The following NUAK1 variants were observed in gnomAD, a reference collection of about 807,000 sequenced individuals.
NUAK1 encodes the protein NUAK family SNF1-like kinase 1.
Under a neutral mutation model 56.9 loss-of-function variants are expected in NUAK1, and 26 were observed. The ratio of observed to expected loss-of-function variants is 0.46; its 90% CI spans 0.33 to 0.63. NUAK1 has a LOEUF of 0.63. NUAK1 is among the 30% of genes least tolerant of loss of function. The pLI is 0.02. For missense variants in NUAK1, 727 were observed against 876.1 expected (o/e 0.83, Z 2.15); for synonymous variants, 337 against 336.0 (o/e 1.00, Z -0.03).
intron 1 of NUAK1, among the ~76,000 whole-genome samples, chr12:106,122,910 C>T (rs1215602): frequency 0.57 from 87,386 of 152,080 alleles, 25,229 homozygotes; most frequent in African/African-American, 0.62. Flanking sequence ...ATAAGCTCCT[C>T]ACCCAGAGGA....
At chr12:106,122,090 G>C (rs1369469813) in intron 1 of NUAK1, among the ~76,000 whole-genome samples, 1 of 152,164 alleles carries the variant, frequency 6.6e-6, no homozygotes, top group African/African-American at 2.4e-5. Context: ...ACACAGGGCT[G>C]GTGCACAGTA....
rs978631634 is a variant in NUAK1 at position 106,064,260 on chromosome 12, A to G, written c.*2542T>C. 1 of 152,276 alleles carries G rather than the reference A, an allele frequency of 6.6e-6. No homozygotes were observed. Among genetic ancestry groups the G allele is most frequent in the African/African-American group, 2.4e-5 (1 of 41,472 alleles). The allele number at this position is 152,276 out of a possible 1,614,324, so 9.4% of individuals were successfully genotyped here. Reference sequence around the variant, plus strand: ...CCCTCTATTGCAAGTTTTTCCTTGAAAGGACAGTCAACACCACACCTAGAA... The same window carrying G: ...CCCTCTATTGCAAGTTTTTCCTTGAGAGGACAGTCAACACCACACCTAGAA... On this transcript the variant is annotated 3_prime_UTR_variant, in exon 7 of 7. Transcript: ENST00000261402.
At chr12:106,106,795 A>C (rs1187585459) in intron 1 of NUAK1, among the ~76,000 whole-genome samples, 1 of 152,174 alleles carries the variant, frequency 6.6e-6, no homozygotes, top group Non-Finnish European at 1.5e-5. Flanking sequence ...TTTTTTCATA[A>C]AGCAGAGGCT....
chr12:106,138,827 A>G lies in NUAK1; in HGVS notation c.-174T>C. 1 of 848,776 alleles carries G rather than the reference A, an allele frequency of 1.2e-6. No homozygotes were observed. Among genetic ancestry groups the G allele is most frequent in the African/African-American group, 1.8e-5 (1 of 55,592 alleles). 52.6% of individuals were successfully genotyped at this position (848,776 alleles called of 1,614,324 possible). On this transcript the variant is annotated 5_prime_UTR_variant, in exon 1 of 7. Transcript: ENST00000261402. The surrounding 1 kb of genome is among the most constrained non-coding windows in gnomAD (Gnocchi z 5.0). Reference sequence around the variant, plus strand: ...GGTCACTGGCGGCGGCGGGGACTGCACATCTGGCGCCCGCGGCGCGCACGG... The same window carrying G: ...GGTCACTGGCGGCGGCGGGGACTGCGCATCTGGCGCCCGCGGCGCGCACGG...
chr12:106,076,038 TG>T (rs2032461855), intron 4 of NUAK1, among the ~76,000 whole-genome samples: 1 of 152,244 alleles, frequency 6.6e-6, no homozygotes, highest in Non-Finnish European at 1.5e-5. Context: ...AAAAGTGACC[TG>T]AACTCAACAA....
intron 4 of NUAK1, among the ~76,000 whole-genome samples, chr12:106,076,047 C>CA (rs2032462145): frequency 6.6e-6 from 1 of 152,066 alleles, no homozygotes; most frequent in African/African-American, 2.4e-5. Context: ...CTGAACTCAA[C>CA]AAAAATATTA....
chr12:106,128,488 C>T (rs2033046267), intron 1 of NUAK1, among the ~76,000 whole-genome samples: 1 of 152,146 alleles, frequency 6.6e-6, no homozygotes, highest in South Asian at 2.1e-4. Flanking sequence ...CTGTAGAAGA[C>T]TGGGACATGA....
At chr12:106,108,112 G>A (rs149715280) in intron 1 of NUAK1, among the ~76,000 whole-genome samples, 2 of 152,264 alleles carry the variant, frequency 1.3e-5, no homozygotes, top group East Asian at 3.9e-4. Context: ...GCTAGAGGGA[G>A]GGGAGGGTTG....
chr12:106,125,708 T>G (rs1295054581), intron 1 of NUAK1, among the ~76,000 whole-genome samples: 4 of 152,160 alleles, frequency 2.6e-5, no homozygotes, highest in African/African-American at 4.8e-5. Context: ...GGATCTCTAC[T>G]ACCTGCTTCA....
At chr12:106,076,263 A>T (rs2032464085) in intron 4 of NUAK1, among the ~76,000 whole-genome samples, 1 of 152,238 alleles carries the variant, frequency 6.6e-6, no homozygotes, top group Admixed American at 6.5e-5. Flanking sequence ...AGTTTTGCTA[A>T]AGGTTGCAAA....
At chr12:106,130,139 G>A (rs528066481) in intron 1 of NUAK1, among the ~76,000 whole-genome samples, 3 of 152,168 alleles carry the variant, frequency 2.0e-5, no homozygotes, top group African/African-American at 7.2e-5. Context: ...GCGCCACCAC[G>A]CCTGGCTAAT....
intron 1 of NUAK1, among the ~76,000 whole-genome samples, chr12:106,135,562 T>C (rs748476052): frequency 1.3e-5 from 2 of 152,252 alleles, no homozygotes; most frequent in Non-Finnish European, 2.9e-5. Context: ...AACAGGGATG[T>C]TGATTTCACA....
Position 106,107,404 on chromosome 12 carries a change from G to C in NUAK1, c.241-879C>G, listed in dbSNP as rs533863901. On this transcript the variant is annotated intron_variant, in intron 1 of 6. Transcript: ENST00000261402. ...ACTTAATCAGATTGGCTCTAAGGGG[G>C]CCAAAAACTACTTCAGGAAGGGAGT... 3.7e-4 allele frequency among the ~76,000 whole-genome samples: 56 copies of C among 152,214 alleles called. No individual in the cohort carries two copies. The South Asian group carries it at 4.8e-3, about 13-fold the overall frequency.
At chr12:106,104,967 T>C (rs1044762238) in intron 2 of NUAK1, among the ~76,000 whole-genome samples, 6 of 151,956 alleles carry the variant, frequency 3.9e-5, no homozygotes, top group African/African-American at 1.2e-4. Context: ...CTTTTTTTTT[T>C]TTTTTAAACA....
intron 2 of NUAK1, among the ~76,000 whole-genome samples, chr12:106,094,034 C>A (rs1365305505): frequency 6.6e-6 from 1 of 151,996 alleles, no homozygotes; most frequent in East Asian, 1.9e-4. Context: ...GTCTCAAACT[C>A]CTGAACTCAA....
At position 106,065,494 on chromosome 12, in the gene NUAK1, A is replaced by G. The variant is rs1190673493; in HGVS notation, c.*1308T>C. ...ACTTTCTCTTCCCCCAAAGCCCAGG[A>G]GTTCATGGCAAAGTTTAAAACCATG... On this transcript the variant is annotated 3_prime_UTR_variant, in exon 7 of 7. Coordinates refer to ENST00000261402, the MANE Select transcript of NUAK1 (RefSeq NM_014840.3). 1 of 152,090 alleles carries G rather than the reference A, an allele frequency of 6.6e-6. No individual in the cohort carries two copies. The highest frequency in any genetic ancestry group is 1.5e-5 in the Non-Finnish European group (1 of 68,036). The allele number at this position is 152,090 out of a possible 1,614,324, so 9.4% of individuals were successfully genotyped here.
intron 2 of NUAK1, among the ~76,000 whole-genome samples, chr12:106,105,596 C>G (rs1467214975): frequency 1.3e-5 from 2 of 152,090 alleles, no homozygotes; most frequent in Non-Finnish European, 2.9e-5. Flanking sequence ...ATAGCATGAT[C>G]TAACTGGACA....
rs536234363 is a variant in NUAK1 at position 106,064,958 on chromosome 12, A to T, written c.*1844T>A. 2 of 152,334 alleles carry T rather than the reference A, an allele frequency of 1.3e-5. No individual in the cohort carries two copies. The highest frequency in any genetic ancestry group is 4.1e-4 in the South Asian group (2 of 4,822). The allele number at this position is 152,334 out of a possible 1,614,324, so 9.4% of individuals were successfully genotyped here. On this transcript the variant is annotated 3_prime_UTR_variant, in exon 7 of 7. Coordinates refer to ENST00000261402, the MANE Select transcript of NUAK1 (RefSeq NM_014840.3). Reference sequence around the variant, plus strand: ...AGGAACGCATAAGCCAAAACACCAGAGCCGGTGGCAAGGGGAGAGCCCAAA... The same window carrying T: ...AGGAACGCATAAGCCAAAACACCAGTGCCGGTGGCAAGGGGAGAGCCCAAA...
chr12:106,125,981 A>G (rs1263891183), intron 1 of NUAK1, among the ~76,000 whole-genome samples: 1 of 152,220 alleles, frequency 6.6e-6, no homozygotes, highest in Non-Finnish European at 1.5e-5. Context: ...CACACAAGGT[A>G]ATTATCTTGC....
Sources: gnomAD v4.1 joint callset for allele counts (sites outside exome capture counted in the v4.1 genomes callset) on GRCh38, gnomAD v4.1.1 for gene constraint, Gnocchi (gnomAD v3.1) non-coding constraint, MANE v1.5 for transcripts, NCBI Gene and HGNC (gene_info 2026-07-23, HGNC 2026-07-21) for gene names.